SAMMSON: variants seen among roughly 807,000 people sequenced by gnomAD.
SAMMSON encodes the protein long intergenic non-protein coding RNA 1212.
intron 4 of SAMMSON, among the ~76,000 whole-genome samples, chr3:70,096,591 T>A (rs1337957592): frequency 6.6e-6 from 1 of 152,112 alleles, no homozygotes; most frequent in African/African-American, 2.4e-5. Flanking sequence ...CTATGACTAA[T>A]CCTGAAAGTG....
intron 7 of SAMMSON, among the ~76,000 whole-genome samples, chr3:70,323,952 C>G (rs934075981): frequency 2.6e-5 from 4 of 152,092 alleles, no homozygotes; most frequent in Non-Finnish European, 4.4e-5. Context: ...AGTCCAAACT[C>G]ATGGGTTCTA....
At chr3:70,061,415 A>T (rs76662813) in intron 3 of SAMMSON, among the ~76,000 whole-genome samples, 1 of 152,134 alleles carries the variant, frequency 6.6e-6, no homozygotes, top group Non-Finnish European at 1.5e-5. Flanking sequence ...ATGTTTAAAA[A>T]ATCTTTAAGA....
chr3:70,041,367 C>T (rs571339799), intron 3 of SAMMSON, among the ~76,000 whole-genome samples: 1 of 152,232 alleles, frequency 6.6e-6, no homozygotes, highest in East Asian at 1.9e-4. Context: ...ATAGTGTCTG[C>T]TTCTACGTTA....
intron 4 of SAMMSON, among the ~76,000 whole-genome samples, chr3:70,099,483 C>G (rs1449525832): frequency 6.6e-6 from 1 of 152,044 alleles, no homozygotes; most frequent in African/African-American, 2.4e-5. Context: ...TAAAATGTTT[C>G]TATGGTCATT....
intron 7 of SAMMSON, among the ~76,000 whole-genome samples, chr3:70,295,352 G>T (rs1293748681): frequency 6.6e-6 from 1 of 152,090 alleles, no homozygotes; most frequent in Non-Finnish European, 1.5e-5. Context: ...TTCAAATATA[G>T]GTATGTGTGA....
At chr3:70,142,455 A>G (rs2067531753) in intron 4 of SAMMSON, among the ~76,000 whole-genome samples, 1 of 152,178 alleles carries the variant, frequency 6.6e-6, no homozygotes, top group South Asian at 2.1e-4. Context: ...CAAACATCAT[A>G]TGTTCTCACT....
At chr3:70,170,806 C>T (rs540141306) in intron 4 of SAMMSON, among the ~76,000 whole-genome samples, 19 of 151,926 alleles carry the variant, frequency 1.3e-4, no homozygotes, top group Non-Finnish European at 2.1e-4. Flanking sequence ...GAAAAATTAG[C>T]GAGTGCAGAG....
At chr3:70,373,892 G>A (rs1486172177) in intron 9 of SAMMSON, among the ~76,000 whole-genome samples, 1 of 151,934 alleles carries the variant, frequency 6.6e-6, no homozygotes, top group African/African-American at 2.4e-5. Context: ...GCTTGTTGAA[G>A]TATTTTTATG....
chr3:70,322,580 T>C (rs1260607765), intron 7 of SAMMSON, among the ~76,000 whole-genome samples: 1 of 152,170 alleles, frequency 6.6e-6, no homozygotes, highest in Non-Finnish European at 1.5e-5. Context: ...GTCTTTTCTC[T>C]AGACCACCTC....
At chr3:70,266,547 C>G (rs1450635811) in intron 6 of SAMMSON, among the ~76,000 whole-genome samples, 1 of 152,056 alleles carries the variant, frequency 6.6e-6, no homozygotes, top group Non-Finnish European at 1.5e-5. Context: ...GCCTCAGCCT[C>G]CCGAGTAGCT....
At chr3:70,338,320 A>C (rs1395828098) in intron 7 of SAMMSON, among the ~76,000 whole-genome samples, 1 of 152,098 alleles carries the variant, frequency 6.6e-6, no homozygotes, top group African/African-American at 2.4e-5. Context: ...ACAGGAGGAT[A>C]ATGAAATATA....
At chr3:70,278,871 T>C (rs1363393067) in intron 6 of SAMMSON, among the ~76,000 whole-genome samples, 1 of 151,808 alleles carries the variant, frequency 6.6e-6, no homozygotes, top group Non-Finnish European at 1.5e-5. Context: ...TAAAAACAAA[T>C]GAAATAACAA....
intron 4 of SAMMSON, among the ~76,000 whole-genome samples, chr3:70,152,869 T>C (rs572341993): frequency 7.9e-5 from 12 of 152,128 alleles, no homozygotes; most frequent in African/African-American, 2.4e-4. Context: ...CCACAATCAA[T>C]TGGAAAAGGG....
At chr3:70,092,902 G>GTTTTTTT (rs5849939) in intron 4 of SAMMSON, among the ~76,000 whole-genome samples, 7 of 138,160 alleles carry the variant, frequency 5.1e-5, no homozygotes, top group Non-Finnish European at 6.2e-5. Context: ...TAGTGTTTTT[G>GTTTTTTT]TTTTTTTTTT....
intron 7 of SAMMSON, among the ~76,000 whole-genome samples, chr3:70,352,502 A>C (rs1702801200): frequency 6.6e-6 from 1 of 152,132 alleles, no homozygotes; most frequent in Non-Finnish European, 1.5e-5. Context: ...TAATCCTAAA[A>C]TGCTTAAAAT....
At chr3:70,382,924 AAG>A (rs1703085215) in intron 9 of SAMMSON, among the ~76,000 whole-genome samples, 2 of 152,130 alleles carry the variant, frequency 1.3e-5, no homozygotes, top group Admixed American at 1.3e-4. Flanking sequence ...ATTTGAGACA[AAG>A]AGTATTCTCA....
intron 4 of SAMMSON, among the ~76,000 whole-genome samples, chr3:70,083,097 G>C (rs2067272529): frequency 6.6e-6 from 1 of 152,162 alleles, no homozygotes. Context: ...CAGACCCCAA[G>C]GACTTTTGTT....
intron 3 of SAMMSON, among the ~76,000 whole-genome samples, chr3:70,048,351 A>C (rs2067134685): frequency 6.6e-6 from 1 of 152,146 alleles, no homozygotes; most frequent in African/African-American, 2.4e-5. Flanking sequence ...TGATTTCCTC[A>C]TCTGTAGCTG....
rs113544140 is a variant in SAMMSON at position 70,381,530 on chromosome 3, T to C, written n.914-8044T>C. Among the ~76,000 whole-genome samples, 1,337 of 152,312 alleles carry C rather than the reference T, an allele frequency of 8.8e-3. 15 individuals are homozygous for C. Among genetic ancestry groups the C allele is most frequent in the Non-Finnish European group, 0.013 (910 of 68,022 alleles). On this transcript the variant is annotated intron_variant and non_coding_transcript_variant, in intron 9 of 9. Coordinates refer to ENST00000642114, the Ensembl canonical transcript of SAMMSON. ...GCTTCATGAACCTTCATGTGCCCAC[T>C]GATAAACTGTCATATTAATAAATGA...
Sources: allele counts gnomAD v4.1 joint callset (sites outside exome capture counted in the v4.1 genomes callset), GRCh38; gene constraint gnomAD v4.1.1; transcripts MANE v1.5; gene names NCBI Gene and HGNC (gene_info 2026-07-23, HGNC 2026-07-21).